The following PLEKHA7 variants were observed in gnomAD, a reference collection of about 807,000 sequenced individuals.
PLEKHA7 encodes pleckstrin homology domain containing A7, also known as pleckstrin homology domain-containing family A member 7.
A neutral mutation model predicts 170.0 loss-of-function variants in PLEKHA7; 104 were observed. The observed-to-expected ratio is 0.61, with a 90% CI of 0.52 to 0.72. The LOEUF is 0.72. PLEKHA7 is among the 30% of genes least tolerant of loss of function. The pLI is 0.00. For missense variants in PLEKHA7, 1,615 were observed against 1,671.7 expected, an observed-to-expected ratio of 0.97 and a Z score of 0.59; for synonymous variants, 648 against 660.8, an observed-to-expected ratio of 0.98 and a Z score of 0.30.
chr11:16,999,096 G>A (rs1297942562), intron 3 of PLEKHA7, among the ~76,000 whole-genome samples: 1 of 152,040 alleles, frequency 6.6e-6, no homozygotes, highest in Non-Finnish European at 1.5e-5. Flanking sequence ...CAGGGAGTTG[G>A]GGAGCTCTTC....
rs1178202822 is a variant in PLEKHA7 at position 16,786,536 on chromosome 11, T to A, written c.3358-149A>T. ...TGTGCAATAGAGAATGAAGCTGCTG[T>A]CCCCTTCATATGGGCTGTTCCAGAC... On this transcript the variant is annotated intron_variant, in intron 23 of 26. Coordinates refer to ENST00000531066, the MANE Select transcript of PLEKHA7 (RefSeq NM_001329630.2). The A allele has an allele frequency of 2.1e-6, 3 of 1,460,046 alleles. No homozygotes were observed. The African/African-American group carries it at 4.2e-5, about 21-fold the overall frequency. The allele number at this position is 1,460,046 out of a possible 1,614,324, so 90.4% of individuals were successfully genotyped here.
chr11:16,779,468 C>A (rs1384111032), intron 26 of PLEKHA7, among the ~76,000 whole-genome samples: 2 of 152,220 alleles, frequency 1.3e-5, no homozygotes, highest in Non-Finnish European at 2.9e-5. Context: ...CATGGGGGCA[C>A]CAAAACCCAG....
intron 3 of PLEKHA7, among the ~76,000 whole-genome samples, chr11:16,907,518 G>A (rs1389487444): frequency 8.8e-6 from 1 of 113,580 alleles, no homozygotes; most frequent in Admixed American, 8.2e-5. Context: ...GAGGCGGGGA[G>A]GTCAGCCCCC....
intron 26 of PLEKHA7, 110 bp downstream of exon 26, chr11:16,782,644 C>A: frequency 7.2e-7 from 1 of 1,380,234 alleles, no homozygotes; most frequent in South Asian, 1.4e-5. Context: ...CCTCAACTAC[C>A]ATCCTTGACA....
chr11:16,935,930 C>T (rs1312807134), intron 3 of PLEKHA7, among the ~76,000 whole-genome samples: 1 of 152,186 alleles, frequency 6.6e-6, no homozygotes, highest in Non-Finnish European at 1.5e-5. Flanking sequence ...TGTGGAAGAA[C>T]AGACGGATCA....
chr11:17,007,401 C>A (rs1865067939), intron 3 of PLEKHA7, among the ~76,000 whole-genome samples: 1 of 152,066 alleles, frequency 6.6e-6, no homozygotes, highest in Admixed American at 6.5e-5. Context: ...TGGCTCACCG[C>A]AACCTTCACC....
rs1211731960 is a variant in PLEKHA7, at chr11:16,915,270, A to G, written c.222-44088T>C. Among the ~76,000 whole-genome samples, 3 of 152,206 alleles carry G rather than the reference A, an allele frequency of 2.0e-5. No individual in the cohort carries two copies. In the East Asian group the frequency reaches 5.8e-4, roughly 29 times the overall value. Reference sequence around the variant, plus strand: ...TTTACAGACAGGAAAACAGATTGGTAAGTAGGTTGACCTGCTCTAAGTCTA... The same window carrying G: ...TTTACAGACAGGAAAACAGATTGGTGAGTAGGTTGACCTGCTCTAAGTCTA... On this transcript the variant is annotated intron_variant, in intron 3 of 26. Coordinates refer to ENST00000531066, the MANE Select transcript of PLEKHA7 (RefSeq NM_001329630.2).
At chr11:16,859,527 C>A (rs750884305) in intron 4 of PLEKHA7, among the ~76,000 whole-genome samples, 7 of 152,196 alleles carry the variant, frequency 4.6e-5, no homozygotes, top group Non-Finnish European at 8.8e-5. Flanking sequence ...GGGACATCAA[C>A]AGTGCATGTG....
intron 3 of PLEKHA7, among the ~76,000 whole-genome samples, chr11:16,892,641 T>TTTTTTC (rs1554965016): frequency 0.01 from 1,480 of 141,050 alleles, 11 homozygotes; most frequent in South Asian, 0.029. Context: ...TTTTTTTTTT[T>TTTTTTC]CGTATTTTTA....
At chr11:16,947,734 G>A (rs1387873033) in intron 3 of PLEKHA7, among the ~76,000 whole-genome samples, 1 of 151,790 alleles carries the variant, frequency 6.6e-6, no homozygotes, top group Non-Finnish European at 1.5e-5. Flanking sequence ...TGGGCAACAT[G>A]GTGAAACCCC....
intron 8 of PLEKHA7, among the ~76,000 whole-genome samples, chr11:16,845,021 T>G (rs960434393): frequency 6.6e-6 from 1 of 152,220 alleles, no homozygotes. Context: ...CTGTATTAAG[T>G]GTCATCAAGA....
At chr11:16,914,303 C>T (rs917281340) in intron 3 of PLEKHA7, among the ~76,000 whole-genome samples, 1 of 152,038 alleles carries the variant, frequency 6.6e-6, no homozygotes, top group Non-Finnish European at 1.5e-5. Flanking sequence ...TAGAAAACAT[C>T]GACATTTAAA....
At chr11:17,014,271 G>T in intron 1 of PLEKHA7, 45 bp downstream of exon 1, 1 of 736,638 alleles carries the variant, frequency 1.4e-6, no homozygotes, top group Non-Finnish European at 2.0e-6. Flanking sequence ...CCCCGCCCCC[G>T]CGCCCCCACC....
chr11:16,839,962 T>C (rs760652610), intron 9 of PLEKHA7, among the ~76,000 whole-genome samples: 21 of 152,070 alleles, frequency 1.4e-4, no homozygotes, highest in Non-Finnish European at 2.6e-4. Context: ...ATCTACCCAG[T>C]TTCCTTCTCC....
rs181349509 is a variant in PLEKHA7 at position 16,994,670 on chromosome 11, C to T, written c.221+19319G>A. Among the ~76,000 whole-genome samples, 14 of 152,274 alleles carry T rather than the reference C, an allele frequency of 9.2e-5. No individual in the cohort carries two copies. In the East Asian group the frequency reaches 2.5e-3, roughly 27 times the overall value. On this transcript the variant is annotated intron_variant, in intron 3 of 26. Transcript: ENST00000531066. ...TCTCTTCCAGTGTCCTAGAACACGACAGGCTCTCCTGGTTCTGCCTGTGCT... is the reference window on the plus strand; with the variant it reads ...TCTCTTCCAGTGTCCTAGAACACGATAGGCTCTCCTGGTTCTGCCTGTGCT...
intron 3 of PLEKHA7, among the ~76,000 whole-genome samples, chr11:16,966,450 GC>G (rs1214321257): frequency 6.6e-6 from 1 of 152,068 alleles, no homozygotes; most frequent in African/African-American, 2.4e-5. Context: ...ACCCTGTGGA[GC>G]CCATTTCCAA....
In PLEKHA7 at chr11:16,789,803, T is replaced by C. The variant is rs748575031; in HGVS notation, c.3128A>G (p.Asn1043Ser). 6.2e-6 allele frequency: 10 copies of C among 1,613,932 alleles called. No homozygotes were observed. Among genetic ancestry groups the C allele is most frequent in the African/African-American group, 5.3e-5 (4 of 74,916 alleles). The change falls in exon 22 of 27, where the codon AAT (asparagine) becomes AGT (serine). Residue 1043 changes from asparagine (N) to serine (S), a missense_variant. Physicochemically the swap from Asn to Ser is conservative, Grantham distance 46. Coordinates refer to ENST00000531066, the MANE Select transcript of PLEKHA7 (RefSeq NM_001329630.2). The surrounding 1 kb of genome is among the most constrained non-coding windows in gnomAD (Gnocchi z 4.6). ...APYVTLRRGL[N>S]AESSKATFPR... is the part of the protein sequence containing the mutation. ...GAAGGTCGCCTTGCTGCTTTCGGCA[T>C]TGAGACCCCTCCGGAGTGTGACGTA...
chr11:16,866,725 C>T (rs750621872), intron 4 of PLEKHA7, among the ~76,000 whole-genome samples: 14 of 152,216 alleles, frequency 9.2e-5, no homozygotes, highest in Non-Finnish European at 2.1e-4. Context: ...AGACACTAGC[C>T]TATCTAGCCT....
Position 16,794,394 on chromosome 11 carries a change from C to T in PLEKHA7, c.2745+94G>A, listed in dbSNP as rs555877004. The T allele has an allele frequency of 1.0e-3, 1,333 of 1,294,006 alleles. 2 individuals carry two copies. Among genetic ancestry groups the T allele is most frequent in the Middle Eastern group, 5.5e-3 (30 of 5,502 alleles). The allele number at this position is 1,294,006 out of a possible 1,614,324, so 80.2% of individuals were successfully genotyped here. A position where few individuals can be genotyped will look rare whatever the true frequency, so the allele number is the denominator to read the frequency against. Reference sequence around the variant, plus strand: ...TTTAGGACGCTGGCTGGGTCCATTTCCCCAAGTTTTCCCAGGAGTTTCTCT... The same window carrying T: ...TTTAGGACGCTGGCTGGGTCCATTTTCCCAAGTTTTCCCAGGAGTTTCTCT... On this transcript the variant is annotated intron_variant, in intron 19 of 26. Coordinates refer to ENST00000531066, the MANE Select transcript of PLEKHA7 (RefSeq NM_001329630.2).
Sources: gnomAD v4.1 joint callset for allele counts (sites outside exome capture counted in the v4.1 genomes callset) on GRCh38, gnomAD v4.1.1 for gene constraint, Gnocchi (gnomAD v3.1) non-coding constraint, MANE v1.5 for transcripts, NCBI Gene and HGNC (gene_info 2026-07-23, HGNC 2026-07-21) for gene names.